Variants in ZDBF2 observed in about 807,000 individuals in gnomAD.
ZDBF2 encodes zinc finger DBF-type containing 2, also known as DBF4-type zinc finger-containing protein 2.
ZDBF2 carries 6 observed loss-of-function variants against 9.4 expected under a neutral mutation model. The observed-to-expected ratio is 0.64, with a 90% CI of 0.35 to 1.27. The LOEUF is 1.27. Ranked by LOEUF, ZDBF2 falls within the 50% of genes most tolerant of loss-of-function variation. The probability of loss-of-function intolerance (pLI) is 0.03; values close to 1 mark genes in which losing one functional copy is unlikely to be tolerated. For missense variants in ZDBF2, 2,697 were observed against 2,766.8 expected (o/e 0.97, Z 0.57); for synonymous variants, 905 against 946.3 (o/e 0.96, Z 0.80).
chr2:206,310,512 C>T lies in ZDBF2; in HGVS notation c.5984C>T (p.Ser1995Leu). The stretch of plus-strand genomic sequence containing the variant: ...ATTGGGACAGTTGAATTTCCTGCAT[C>T]ATGTACTAAAGTTTTGAAGCCTATG... ...VKIGTVEFPA[S>L]CTKVLKPMQP... The change falls in exon 5 of 5, where the codon TCA (serine) becomes TTA (leucine). Residue 1995 changes from serine (S) to leucine (L), a missense_variant. By Grantham distance (145) the Ser-to-Leu change is moderately radical. Coordinates refer to ENST00000374423, the MANE Select transcript of ZDBF2 (RefSeq NM_020923.3). The T allele has an allele frequency of 6.2e-7, 1 of 1,613,424 alleles. No individual in the cohort carries two copies. Among genetic ancestry groups the T allele is most frequent in the Non-Finnish European group, 8.5e-7 (1 of 1,179,778 alleles).
Position 206,307,020 on chromosome 2 carries a change from T to C in ZDBF2, c.2492T>C (p.Phe831Ser). ...SNESCVSEIT[F>S]DSDIPLHSGN... Reference sequence around the variant, plus strand: ...GAATCTTGTGTCTCTGAAATAACTTTTGATTCTGATATTCCTCTTCATTCA... The same window carrying C: ...GAATCTTGTGTCTCTGAAATAACTTCTGATTCTGATATTCCTCTTCATTCA... Residue 831 changes from phenylalanine (F) to serine (S), a missense_variant, in exon 5 of 5, where the codon TTT (phenylalanine) becomes TCT (serine). This residue lies in a region of ZDBF2 where 910 missense variants were observed against 973.6 expected (regional missense o/e 0.93). Transcript: ENST00000374423. 4 of 1,613,662 alleles carry C rather than the reference T, an allele frequency of 2.5e-6. No individual in the cohort carries two copies. The highest frequency in any genetic ancestry group is 3.4e-6 in the Non-Finnish European group (4 of 1,179,772).
At position 206,312,255 on chromosome 2, in the gene ZDBF2, T is replaced by G. The variant is rs796716102; in HGVS notation, c.*662T>G. 2.0e-4 allele frequency: 31 copies of G among 152,274 alleles called. No individual in the cohort carries two copies. The highest frequency in any genetic ancestry group is 7.5e-4 in the African/African-American group (31 of 41,568). The allele number at this position is 152,274 out of a possible 1,614,324, so 9.4% of individuals were successfully genotyped here. A position where few individuals can be genotyped will look rare whatever the true frequency, so the allele number is the denominator to read the frequency against. ...TAGATCTTAAAGGGGAAAATAATTT[T>G]GCCCATGTGTTTAGGCATTCCCCCC... is the stretch of plus-strand genomic sequence containing the variant. On this transcript the variant is annotated 3_prime_UTR_variant, in exon 5 of 5. Transcript: ENST00000374423.
chr2:206,306,433 T>C lies in ZDBF2; in HGVS notation c.1905T>C (p.Val635=). ...HLDCDVSLGT[V]ADESQRAVEK... ...ATTGTGATGTCTCACTTGGGACAGT[T>C]GCAGATGAATCCCAGAGGGCTGTTG... The change falls in exon 5 of 5, where the codon GTT becomes GTC. Residue 635 remains valine (V), a synonymous_variant. Coordinates refer to ENST00000374423, the MANE Select transcript of ZDBF2 (RefSeq NM_020923.3). 1 of 1,613,848 alleles carries C rather than the reference T, an allele frequency of 6.2e-7. No homozygotes were observed. Among genetic ancestry groups the C allele is most frequent in the Non-Finnish European group, 8.5e-7 (1 of 1,179,804 alleles).
chr2:206,282,043 A>T, intron 3 of ZDBF2, 134 bp downstream of exon 3: 1 of 796,650 alleles, frequency 1.3e-6, no homozygotes, highest in East Asian at 2.8e-5. Context: ...ACACTGTTTA[A>T]GGTTCTAGGG....
At chr2:206,281,221 A>G (rs1691300797) in intron 2 of ZDBF2, among the ~76,000 whole-genome samples, 1 of 152,200 alleles carries the variant, frequency 6.6e-6, no homozygotes, top group South Asian at 2.1e-4. Flanking sequence ...CCTCCTATTT[A>G]TCTGGCTTAC....
At position 206,306,234 on chromosome 2, in the gene ZDBF2, G is replaced by C; in HGVS notation, c.1706G>C (p.Ser569Thr). ...ETKLRKKAHT[S>T]LVDNYGSSCS... is the part of the protein sequence containing the mutation. ...AAACTTCGGAAGAAGGCTCATACCA[G>C]CTTGGTTGATAACTATGGATCGAGT... is the stretch of plus-strand genomic sequence containing the variant. Residue 569 changes from serine (S) to threonine (T), a missense_variant, in exon 5 of 5, where the codon AGC becomes ACC. This residue lies in a region of ZDBF2 where 910 missense variants were observed against 973.6 expected (regional missense o/e 0.93). Transcript: ENST00000374423. 6.2e-7 allele frequency: 1 copy of C among 1,613,484 alleles called. No homozygotes were observed. Among genetic ancestry groups the C allele is most frequent in the Non-Finnish European group, 8.5e-7 (1 of 1,179,766 alleles).
chr2:206,305,998 T>C lies in ZDBF2; in HGVS notation c.1470T>C (p.Ser490=). 1 of 1,613,382 alleles carries C rather than the reference T, an allele frequency of 6.2e-7. No homozygotes were observed. Among genetic ancestry groups the C allele is most frequent in the Non-Finnish European group, 8.5e-7 (1 of 1,179,578 alleles). The part of the protein sequence containing the change: ...ISLVDQSYES[S]SSETNFDCDA... ...TGGTTGACCAAAGCTATGAATCTAG[T>C]AGTTCTGAAACGAATTTTGATTGTG... The change falls in exon 5 of 5, where the codon AGT becomes AGC. Residue 490 remains serine, a synonymous_variant. Coordinates refer to ENST00000374423, the MANE Select transcript of ZDBF2 (RefSeq NM_020923.3).
In ZDBF2 at chr2:206,310,559, G is replaced by A. The variant is rs373049807; in HGVS notation, c.6031G>A (p.Val2011Ile). Residue 2011 changes from valine to isoleucine, a missense_variant, in exon 5 of 5, where the codon GTT becomes ATT. Around this residue, in one of 3 missense-constraint regions of ZDBF2, gnomAD observed 1,783 missense variants for 1,776.5 expected, o/e 1.00. Coordinates refer to ENST00000374423, the MANE Select transcript of ZDBF2 (RefSeq NM_020923.3). ...KPMQPKALVC[V>I]LSSLNIKLKE... ...TATGCAACCCAAAGCCTTAGTCTGTGTTCTTTCTTCTTTAAATATTAAACT... is the reference window on the plus strand; with the variant it reads ...TATGCAACCCAAAGCCTTAGTCTGTATTCTTTCTTCTTTAAATATTAAACT... 2.6e-5 allele frequency: 42 copies of A among 1,613,266 alleles called. No homozygotes were observed. The Middle Eastern group carries it at 4.9e-4, about 19-fold the overall frequency.
In ZDBF2 at chr2:206,312,487, T is replaced by C. The variant is rs1320913291; in HGVS notation, c.*894T>C. 1 of 152,262 alleles carries C rather than the reference T, an allele frequency of 6.6e-6. No homozygotes were observed. Among genetic ancestry groups the C allele is most frequent in the African/African-American group, 2.4e-5 (1 of 41,460 alleles). The allele number at this position is 152,262 out of a possible 1,614,324, so 9.4% of individuals were successfully genotyped here. ...TGGAGTGCAGTGGCCTGAACTTAGC[T>C]CACCGCAACCTCCACCTCCCGGGTT... On this transcript the variant is annotated 3_prime_UTR_variant, in exon 5 of 5. Transcript: ENST00000374423.
chr2:206,275,861 T>G (rs966442502), intron 1 of ZDBF2, among the ~76,000 whole-genome samples: 2 of 152,224 alleles, frequency 1.3e-5, no homozygotes, highest in African/African-American at 4.8e-5. Context: ...CTTTTTTCAC[T>G]TAATACGTGG....
Position 206,308,621 on chromosome 2 carries a change from G to A in ZDBF2, c.4093G>A (p.Glu1365Lys). Reference sequence around the variant, plus strand: ...TAAGAGCAGTAATTCTTATAGTCCTGAAGAAAGTTCTGATTCCAATGACTC... The same window carrying A: ...TAAGAGCAGTAATTCTTATAGTCCTAAAGAAAGTTCTGATTCCAATGACTC... ...EDKSSNSYSP[E>K]ESSDSNDSFQ... is the part of the protein sequence containing the mutation. Residue 1365 changes from glutamate (E) to lysine (K), a missense_variant, in exon 5 of 5, where the codon GAA (glutamate) becomes AAA (lysine). Around this residue, in one of 3 missense-constraint regions of ZDBF2, gnomAD observed 1,783 missense variants for 1,776.5 expected, o/e 1.00. Transcript: ENST00000374423. 1 of 1,612,964 alleles carries A rather than the reference G, an allele frequency of 6.2e-7. No homozygotes were observed. Among genetic ancestry groups the A allele is most frequent in the Non-Finnish European group, 8.5e-7 (1 of 1,179,846 alleles).
At position 206,308,875 on chromosome 2, in the gene ZDBF2, C is replaced by G. The variant is rs752848846; in HGVS notation, c.4347C>G (p.Val1449=). ...HNDLENKNCE[V]CGSEIKCHSC... ...ATCTAGAAAATAAGAACTGTGAAGT[C>G]TGTGGTTCTGAAATAAAATGTCATT... The change falls in exon 5 of 5, where the codon GTC becomes GTG. Residue 1449 remains valine (V), a synonymous_variant. Transcript: ENST00000374423. The G allele has an allele frequency of 1.2e-6, 2 of 1,612,696 alleles. No individual in the cohort carries two copies. The highest frequency in any genetic ancestry group is 1.7e-6 in the Non-Finnish European group (2 of 1,179,482).
At chr2:206,289,078 A>G (rs1169528575) in intron 3 of ZDBF2, among the ~76,000 whole-genome samples, 1 of 152,108 alleles carries the variant, frequency 6.6e-6, no homozygotes, top group African/African-American at 2.4e-5. Context: ...TTGTTTGGCT[A>G]GTAGGATGAG....
At chr2:206,275,697 TA>T (rs1690958846) in intron 1 of ZDBF2, among the ~76,000 whole-genome samples, 12 of 151,976 alleles carry the variant, frequency 7.9e-5, no homozygotes. Context: ...TTTACAGCAA[TA>T]TGCTACGTGT....
intron 3 of ZDBF2, among the ~76,000 whole-genome samples, chr2:206,285,333 G>A (rs904955553): frequency 2.0e-5 from 3 of 152,094 alleles, no homozygotes; most frequent in Non-Finnish European, 4.4e-5. Context: ...TTCGATAATA[G>A]CTATTCTAAT....
chr2:206,277,676 A>G (rs1691092721), intron 1 of ZDBF2, among the ~76,000 whole-genome samples: 1 of 151,112 alleles, frequency 6.6e-6, no homozygotes, highest in Non-Finnish European at 1.5e-5. Flanking sequence ...AACTCGGGTG[A>G]ATTACGATGT....
intron 3 of ZDBF2, among the ~76,000 whole-genome samples, chr2:206,293,947 G>A (rs532943750): frequency 6.6e-6 from 1 of 152,092 alleles, no homozygotes; most frequent in East Asian, 1.9e-4. Context: ...ATACAAGAAG[G>A]TTCTTCATAG....
At chr2:206,283,398 T>C (rs1691432059) in intron 3 of ZDBF2, among the ~76,000 whole-genome samples, 3 of 152,154 alleles carry the variant, frequency 2.0e-5, no homozygotes. Flanking sequence ...TTGTTGTTGT[T>C]GTTGTTGTTG....
At position 206,306,918 on chromosome 2, in the gene ZDBF2, C is replaced by G. The variant is rs369666695; in HGVS notation, c.2390C>G (p.Pro797Arg). 1.2e-6 allele frequency: 2 copies of G among 1,613,542 alleles called. No homozygotes were observed. Among genetic ancestry groups the G allele is most frequent in the African/African-American group, 2.7e-5 (2 of 74,886 alleles). ...SSEITFDSDI[P>R]LYSVIDQPEV... ...GAAATAACTTTTGATTCTGATATTC[C>G]TCTTTATTCAGTAATTGACCAACCT... The change falls in exon 5 of 5, where the codon CCT becomes CGT. Residue 797 changes from proline to arginine, a missense_variant. Transcript: ENST00000374423.
Sources: gnomAD v4.1 joint callset for allele counts (sites outside exome capture counted in the v4.1 genomes callset) on GRCh38, gnomAD v4.1.1 for gene constraint, gnomAD v4.1.1 regional missense constraint, MANE v1.5 for transcripts, NCBI Gene and HGNC (gene_info 2026-07-23, HGNC 2026-07-21) for gene names.